TRANK1: variants seen among roughly 807,000 people sequenced by gnomAD.
TRANK1 encodes tetratricopeptide repeat and ankyrin repeat containing 1, also known as TPR and ankyrin repeat-containing protein 1.
TRANK1 carries 198 observed loss-of-function variants against 266.0 expected under a neutral mutation model. The observed-to-expected ratio is 0.74, with a 90% confidence interval of 0.66 to 0.84. The LOEUF (loss-of-function observed/expected upper bound fraction) is 0.84. Among genes scored for constraint, TRANK1 ranks in the 40% least tolerant of loss-of-function variants. The probability of loss-of-function intolerance (pLI) is 0.00; values close to 1 mark genes in which losing one functional copy is unlikely to be tolerated. For synonymous variants in TRANK1, 1,396 were observed against 1,384.1 expected (o/e 1.01, Z -0.19); for missense variants, 3,326 against 3,634.6 (o/e 0.92, Z 2.18).
intron 9 of TRANK1, among the ~76,000 whole-genome samples, chr3:36,866,564 G>A (rs1383591487): frequency 6.6e-6 from 1 of 152,228 alleles, no homozygotes; most frequent in African/African-American, 2.4e-5. Context: ...AGGCTCTGGA[G>A]TGTGAGTCAC....
chr3:36,827,410 G>T lies in TRANK1; in HGVS notation c.*865C>A, dbSNP rs1230292638. ...GAACGTCAGCCTAAGCTAGGGTAGC[G>T]AACTTGCCAGGGAGAACCAAGAAAA... On this transcript the variant is annotated 3_prime_UTR_variant, in exon 24 of 24. Transcript: ENST00000645898. 1 of 152,306 alleles carries T rather than the reference G, an allele frequency of 6.6e-6. No homozygotes were observed. Among genetic ancestry groups the T allele is most frequent in the African/African-American group, 2.4e-5 (1 of 41,472 alleles). 9.4% of individuals were successfully genotyped at this position (152,306 alleles called of 1,614,324 possible).
chr3:36,903,682 G>C (rs1456641721), intron 2 of TRANK1, among the ~76,000 whole-genome samples: 2 of 152,204 alleles, frequency 1.3e-5, no homozygotes, highest in Admixed American at 6.5e-5. Context: ...AGACCAAAGG[G>C]GATGCAAGAA....
In TRANK1 at chr3:36,857,365, A is replaced by G; in HGVS notation, c.2357T>C (p.Val786Ala). The change falls in exon 13 of 24, where the codon GTG becomes GCG. Residue 786 changes from valine to alanine, a missense_variant. Physicochemically the swap from Val to Ala is moderately conservative, Grantham distance 64. Coordinates refer to ENST00000645898, the MANE Select transcript of TRANK1 (RefSeq NM_001329998.2). The surrounding 1 kb of genome is among the most constrained non-coding windows in gnomAD (Gnocchi z 4.3). Reference sequence around the variant, plus strand: ...GCCCACCTGAGCATGTCCTTCCCCCACCTCACTACAGTCAGGGGCCCCTGC... The same window carrying G: ...GCCCACCTGAGCATGTCCTTCCCCCGCCTCACTACAGTCAGGGGCCCCTGC... ...LGAGAPDCSEVGEGHAQVGLG... is the reference protein window; with the variant it reads ...LGAGAPDCSEAGEGHAQVGLG... The G allele has an allele frequency of 6.2e-7, 1 of 1,606,428 alleles. No individual in the cohort carries two copies. The highest frequency in any genetic ancestry group is 8.5e-7 in the Non-Finnish European group (1 of 1,176,612).
chr3:36,943,306 G>A (rs1400932987), intron 1 of TRANK1, among the ~76,000 whole-genome samples: 1 of 151,988 alleles, frequency 6.6e-6, no homozygotes, highest in African/African-American at 2.4e-5. Flanking sequence ...GTGTGTGTGC[G>A]TATATATGTA....
At chr3:36,854,258 G>A (rs911077304) in intron 13 of TRANK1, among the ~76,000 whole-genome samples, 12 of 152,162 alleles carry the variant, frequency 7.9e-5, no homozygotes, top group African/African-American at 2.7e-4. Flanking sequence ...TACTTGGGAG[G>A]CTGAGGCAGG....
chr3:36,849,425 AC>A (rs1330451904), intron 15 of TRANK1, among the ~76,000 whole-genome samples: 2 of 152,208 alleles, frequency 1.3e-5, no homozygotes, highest in African/African-American at 4.8e-5. Context: ...GGCTCTGGTG[AC>A]CATGTGGTTC....
intron 1 of TRANK1, among the ~76,000 whole-genome samples, chr3:36,922,461 C>T (rs892576141): frequency 4.6e-5 from 7 of 152,022 alleles, no homozygotes; most frequent in African/African-American, 7.2e-5. Flanking sequence ...AAAAATTAGC[C>T]GGGTGTGGTG....
intron 1 of TRANK1, among the ~76,000 whole-genome samples, chr3:36,927,686 A>G (rs1336729010): frequency 2.0e-5 from 3 of 152,194 alleles, no homozygotes; most frequent in East Asian, 1.9e-4. Flanking sequence ...CTCACCCCCA[A>G]CAATATTTGA....
chr3:36,896,017 G>T (rs1261284324), intron 4 of TRANK1, among the ~76,000 whole-genome samples: 1 of 152,122 alleles, frequency 6.6e-6, no homozygotes, highest in Non-Finnish European at 1.5e-5. Context: ...CAAGCCCAGT[G>T]ATATGTGCTT....
chr3:36,890,552 G>A (rs908081035), intron 7 of TRANK1, among the ~76,000 whole-genome samples: 4 of 152,186 alleles, frequency 2.6e-5, no homozygotes, highest in Non-Finnish European at 5.9e-5. Context: ...CCAGCTGTGG[G>A]TTGTTAGCAG....
At chr3:36,892,054 G>A in intron 7 of TRANK1, 148 bp downstream of exon 7, 5 of 1,064,616 alleles carry the variant, frequency 4.7e-6, no homozygotes, top group Non-Finnish European at 5.2e-6. Flanking sequence ...TTTTCCTGCT[G>A]CTTCATTCAT....
intron 1 of TRANK1, among the ~76,000 whole-genome samples, chr3:36,914,162 C>T (rs559593183): frequency 6.6e-6 from 1 of 151,700 alleles, no homozygotes; most frequent in East Asian, 1.9e-4. Flanking sequence ...GAGACTGAGT[C>T]TCACTCTGTC....
chr3:36,856,677 G>A lies in TRANK1; in HGVS notation c.3045C>T (p.Pro1015=). Residue 1015 remains proline, a synonymous_variant, in exon 13 of 24, where the codon CCC becomes CCT. Transcript: ENST00000645898. The part of the protein sequence containing the change: ...GREHVNPEYF[P]PASAVETEYN... ...ATTCTGTCTCCACTGCACTGGCTGG[G>A]GGAAAGTACTCAGGATTGACATGCT... 6.2e-7 allele frequency: 1 copy of A among 1,614,020 alleles called. No individual in the cohort carries two copies.
intron 1 of TRANK1, among the ~76,000 whole-genome samples, chr3:36,937,991 C>G (rs1015515605): frequency 3.0e-4 from 45 of 152,288 alleles, no homozygotes; most frequent in African/African-American, 8.4e-4. Flanking sequence ...ACCTCCCAAC[C>G]CCAAGACCAC....
At chr3:36,944,400 A>G (rs1414260143) in intron 1 of TRANK1, among the ~76,000 whole-genome samples, 1 of 152,158 alleles carries the variant, frequency 6.6e-6, no homozygotes, top group Non-Finnish European at 1.5e-5. Context: ...TCTGCCCGCC[A>G]AGAATGCTTG....
At chr3:36,943,659 C>A in intron 1 of TRANK1, among the ~76,000 whole-genome samples, 1 of 151,154 alleles carries the variant, frequency 6.6e-6, no homozygotes. Context: ...CTATAAAGGA[C>A]CAAACAGGAT....
intron 1 of TRANK1, among the ~76,000 whole-genome samples, chr3:36,927,101 CT>C (rs1385796350): frequency 6.6e-6 from 1 of 152,156 alleles, no homozygotes; most frequent in African/African-American, 2.4e-5. Flanking sequence ...AAATTTGAGG[CT>C]GCAAATGCTG....
chr3:36,846,162 T>TACC lies in TRANK1; in HGVS notation c.5191+83_5191+85dup. On this transcript the variant is annotated intron_variant, in intron 17 of 23. Transcript: ENST00000645898. ...GAAAAGAAAGAAAGCACTTTCAAAA[T>TACC]ACCACACCTTTTATTCCTGACCATA... is the stretch of plus-strand genomic sequence containing the variant. 3.0e-6 allele frequency: 4 copies of TACC among 1,326,230 alleles called. 1 individual carries two copies. The highest frequency in any genetic ancestry group is 4.0e-6 in the Non-Finnish European group (4 of 990,530). 82.2% of individuals were successfully genotyped at this position (1,326,230 alleles called of 1,614,324 possible). A position where few individuals can be genotyped will look rare whatever the true frequency, so the allele number is the denominator to read the frequency against.
intron 1 of TRANK1, among the ~76,000 whole-genome samples, chr3:36,936,495 G>GAA (rs1281262894): frequency 2.6e-5 from 3 of 114,842 alleles, no homozygotes; most frequent in Admixed American, 1.7e-4. Context: ...CTCAAAAAAA[G>GAA]AAAAAAAAAA....
Sources: allele counts gnomAD v4.1 joint callset (sites outside exome capture counted in the v4.1 genomes callset), GRCh38; gene constraint gnomAD v4.1.1; non-coding constraint Gnocchi (gnomAD v3.1); transcripts MANE v1.5; gene names NCBI Gene and HGNC (gene_info 2026-07-23, HGNC 2026-07-21).